Variants in DGCR2 observed in about 807,000 individuals in gnomAD.
DGCR2 encodes the protein integral membrane protein DGCR2/IDD.
In DGCR2, 24 loss-of-function variants were observed where a neutral mutation model predicts 51.6. The ratio of observed to expected loss-of-function variants is 0.47; its 90% CI spans 0.34 to 0.65. The LOEUF is 0.65. Ranked by LOEUF, DGCR2 falls within the 30% of genes least tolerant of loss-of-function variation. The pLI, the probability that DGCR2 is intolerant of heterozygous loss-of-function variation, is 0.01. For synonymous variants in DGCR2, 340 were observed against 315.4 expected (o/e 1.08, Z -0.82); for missense variants, 765 against 772.1 (o/e 0.99, Z 0.11).
rs1045055443 is a variant in DGCR2 at position 19,122,102 on chromosome 22, C to G, written c.79+26G>C. ...CCGGCCCCGCTCGCCGCCCAGCCCCCACACCGCCCCCATCGCGCGGCGCAC... is the reference window on the plus strand; with the variant it reads ...CCGGCCCCGCTCGCCGCCCAGCCCCGACACCGCCCCCATCGCGCGGCGCAC... On this transcript the variant is annotated intron_variant, in intron 1 of 9. Transcript: ENST00000263196. The G allele has an allele frequency of 5.1e-5, 75 of 1,474,388 alleles. No individual in the cohort carries two copies. In the Middle Eastern group the frequency reaches 8.5e-4, roughly 17 times the overall value. The allele number at this position is 1,474,388 out of a possible 1,614,324, so 91.3% of individuals were successfully genotyped here. A position where few individuals can be genotyped will look rare whatever the true frequency, so the allele number is the denominator to read the frequency against.
chr22:19,115,127 G>A (rs1166781114), intron 1 of DGCR2, among the ~76,000 whole-genome samples: 4 of 152,208 alleles, frequency 2.6e-5, no homozygotes, highest in Non-Finnish European at 1.5e-5. Context: ...TGCAGCCCAT[G>A]CACCCAGCCA....
chr22:19,079,358 C>T (rs80224207), intron 2 of DGCR2, among the ~76,000 whole-genome samples: 3 of 152,162 alleles, frequency 2.0e-5, no homozygotes, highest in African/African-American at 7.2e-5. Context: ...AAGGGATACT[C>T]AATCTGTATT....
In DGCR2 at chr22:19,119,563, C is replaced by A. The variant is rs2083409071; in HGVS notation, c.79+2565G>T. ...CCAGCCCGGCCAACATGGCAAAACCCCATCTCTACTAAAAATACAAAAATT... is the reference window on the plus strand; with the variant it reads ...CCAGCCCGGCCAACATGGCAAAACCACATCTCTACTAAAAATACAAAAATT... On this transcript the variant is annotated intron_variant, in intron 1 of 9. Coordinates refer to ENST00000263196, the MANE Select transcript of DGCR2 (RefSeq NM_005137.3). Among the ~76,000 whole-genome samples, 3 of 152,054 alleles carry A rather than the reference C, an allele frequency of 2.0e-5. No individual in the cohort carries two copies. The South Asian group carries it at 6.2e-4, about 32-fold the overall frequency.
chr22:19,083,458 C>T (rs1043023768), intron 2 of DGCR2, among the ~76,000 whole-genome samples: 11 of 152,172 alleles, frequency 7.2e-5, no homozygotes, highest in African/African-American at 1.2e-4. Flanking sequence ...ATTTTAGAAT[C>T]GACTTATCGC....
At chr22:19,089,293 CT>C in intron 2 of DGCR2, 74 bp downstream of exon 2, 1 of 1,472,254 alleles carries the variant, frequency 6.8e-7, no homozygotes, top group Non-Finnish European at 9.1e-7. Flanking sequence ...ACCTCCACCC[CT>C]CACAAGAGGC....
chr22:19,038,786 C>T lies in DGCR2; in HGVS notation c.*79G>A. The T allele has an allele frequency of 6.5e-7, 1 of 1,548,874 alleles. No homozygotes were observed. Among genetic ancestry groups the T allele is most frequent in the Non-Finnish European group, 8.8e-7 (1 of 1,140,584 alleles). On this transcript the variant is annotated 3_prime_UTR_variant, in exon 10 of 10. Coordinates refer to ENST00000263196, the MANE Select transcript of DGCR2 (RefSeq NM_005137.3). ...CGTGGCGTCCAGGCTGGGACAGGGG[C>T]CTTTCAAGTCTCCCCAGGGACCGGT...
chr22:19,108,982 G>C (rs920776903), intron 1 of DGCR2, among the ~76,000 whole-genome samples: 1 of 152,102 alleles, frequency 6.6e-6, no homozygotes, highest in East Asian at 1.9e-4. Context: ...AGGGAGTTAC[G>C]ATTACACCAC....
chr22:19,065,175 G>A (rs1323437173), intron 3 of DGCR2, 108 bp from the exon 4 acceptor site: 8 of 950,304 alleles, frequency 8.4e-6, no homozygotes, highest in South Asian at 1.6e-5. Flanking sequence ...CCCTAGAGAA[G>A]TGGGGAAACT....
chr22:19,103,312 G>T (rs1415554932), intron 1 of DGCR2, among the ~76,000 whole-genome samples: 1 of 150,530 alleles, frequency 6.6e-6, no homozygotes, highest in African/African-American at 2.4e-5. Flanking sequence ...CTGGAAATGG[G>T]TAGTGGTGCT....
intron 5 of DGCR2, among the ~76,000 whole-genome samples, chr22:19,060,062 T>A (rs1213635130): frequency 6.6e-6 from 1 of 152,196 alleles, no homozygotes; most frequent in Non-Finnish European, 1.5e-5. Context: ...CGGTGGCAGC[T>A]GCCCCACTCA....
chr22:19,046,588 G>A, intron 7 of DGCR2: 2 of 192,208 alleles, frequency 1.0e-5, no homozygotes, highest in Middle Eastern at 5.5e-4. Flanking sequence ...TAGCTTGTTG[G>A]AGGGGACATT....
intron 7 of DGCR2, among the ~76,000 whole-genome samples, chr22:19,043,859 T>TC (rs1327142682): frequency 2.6e-5 from 4 of 152,154 alleles, no homozygotes; most frequent in African/African-American, 9.7e-5. Flanking sequence ...AGGAAGCATC[T>TC]CCAAAAGCTG....
At chr22:19,119,777 A>G (rs1332588545) in intron 1 of DGCR2, among the ~76,000 whole-genome samples, 2 of 151,118 alleles carry the variant, frequency 1.3e-5, no homozygotes, top group Non-Finnish European at 2.9e-5. Flanking sequence ...GGTCAAGTAC[A>G]GCAAGCACTT....
chr22:19,056,514 A>G, intron 6 of DGCR2: 1 of 471,980 alleles, frequency 2.1e-6, no homozygotes, highest in Non-Finnish European at 3.9e-6. Context: ...AGCTCCTGAG[A>G]CCCCTGTCCC....
Position 19,068,175 on chromosome 22 carries a change from G to A in DGCR2, c.253C>T (p.Arg85Trp), listed in dbSNP as rs147748890. 202 of 1,611,290 alleles carry A rather than the reference G, an allele frequency of 1.3e-4. 1 individual carries two copies. Among genetic ancestry groups the A allele is most frequent in the African/African-American group, 1.1e-3 (84 of 74,950 alleles). ...TCGCCTCCTCTGGCCCGCCCCTGCC[G>A]CGGATCCACAGCCTCCTTCCCATGA... ...PHHGKEAVDP[R>W]QGRARGGDPS... The change falls in exon 3 of 10, where the codon CGG (arginine) becomes TGG (tryptophan). Residue 85 changes from arginine to tryptophan, a missense_variant. Around this residue, in one of 3 missense-constraint regions of DGCR2, gnomAD observed 370 missense variants for 325.5 expected, o/e 1.14. Transcript: ENST00000263196.
Position 19,089,482 on chromosome 22 carries a change from A to T in DGCR2, c.88T>A (p.Cys30Ser). The T allele has an allele frequency of 1.9e-6, 3 of 1,581,128 alleles. No individual in the cohort carries two copies. The highest frequency in any genetic ancestry group is 2.6e-6 in the Non-Finnish European group (3 of 1,160,566). ...CGACACGCAAACTGCCCAGGGTTGC[A>T]CCGCAGCTCTGTGGGACCAAAGGGT... The part of the protein sequence containing the change: ...VTEPLRPELR[C>S]NPGQFACRSG... Residue 30 changes from cysteine (C) to serine (S), a missense_variant, in exon 2 of 10, where the codon TGC becomes AGC. Transcript: ENST00000263196.
intron 2 of DGCR2, among the ~76,000 whole-genome samples, chr22:19,078,347 T>C (rs1447806943): frequency 6.6e-6 from 1 of 152,176 alleles, no homozygotes; most frequent in Non-Finnish European, 1.5e-5. Context: ...ATTATTTTCT[T>C]AATTTCCTCT....
intron 2 of DGCR2, among the ~76,000 whole-genome samples, chr22:19,075,843 G>A (rs2082869759): frequency 6.6e-6 from 1 of 152,186 alleles, no homozygotes. Context: ...TGGACACTTG[G>A]GTTGCTTCCA....
At chr22:19,076,654 TA>T (rs1404081653) in intron 2 of DGCR2, among the ~76,000 whole-genome samples, 1 of 151,902 alleles carries the variant, frequency 6.6e-6, no homozygotes, top group Non-Finnish European at 1.5e-5. Flanking sequence ...TGCATTTCTC[TA>T]ATCATTAATG....
Sources: allele counts gnomAD v4.1 joint callset (sites outside exome capture counted in the v4.1 genomes callset), GRCh38; gene constraint gnomAD v4.1.1; regional missense constraint gnomAD v4.1.1; transcripts MANE v1.5; gene names NCBI Gene and HGNC (gene_info 2026-07-23, HGNC 2026-07-21).